The following NUF2 variants were observed in gnomAD, a reference collection of about 807,000 sequenced individuals.
The protein encoded by NUF2 is kinetochore protein Nuf2.
NUF2 carries 34 observed loss-of-function variants against 61.8 expected under a neutral mutation model. The observed-to-expected ratio is 0.55, with a 90% confidence interval of 0.42 to 0.73. The LOEUF (loss-of-function observed/expected upper bound fraction) is 0.73, where lower values mean the gene tolerates loss of function less well. Among genes scored for constraint, NUF2 ranks in the 30% least tolerant of loss-of-function variants. NUF2 has a pLI of 0.00. For missense variants in NUF2, 445 were observed against 539.1 expected (o/e 0.83, Z 1.73); for synonymous variants, 172 against 181.6 (o/e 0.95, Z 0.42).
At position 163,332,578 on chromosome 1, in the gene NUF2, G is replaced by GT. The variant is rs201808643; in HGVS notation, c.337+3674dup. On this transcript the variant is annotated intron_variant, in intron 5 of 13. Coordinates refer to ENST00000271452, the MANE Select transcript of NUF2 (RefSeq NM_145697.3). Reference sequence around the variant, plus strand: ...TTCAGATGGCTCTAGGAGAGAGTCAGTTTCTTTGCCTTTTCTAGCTTCTAG... The same window carrying GT: ...TTCAGATGGCTCTAGGAGAGAGTCAGTTTTCTTTGCCTTTTCTAGCTTCTAG... 8.1e-3 allele frequency among the ~76,000 whole-genome samples: 1,234 copies of GT among 152,232 alleles called. 9 individuals are homozygous for GT. The highest frequency in any genetic ancestry group is 0.012 in the Non-Finnish European group (793 of 67,984).
At chr1:163,325,638 C>T (rs1650392683) in intron 1 of NUF2, among the ~76,000 whole-genome samples, 1 of 152,044 alleles carries the variant, frequency 6.6e-6, no homozygotes, top group Admixed American at 6.5e-5. Flanking sequence ...TTATATATAG[C>T]TTCTGCTGAT....
At position 163,341,829 on chromosome 1, in the gene NUF2, C is replaced by T. The variant is rs552786740; in HGVS notation, c.669+1403C>T. ...ATTTTTAGTAGAGATGGGGTTTTACCATGTTGGCCAGGCTGGTTTTGAACT... is the reference window on the plus strand; with the variant it reads ...ATTTTTAGTAGAGATGGGGTTTTACTATGTTGGCCAGGCTGGTTTTGAACT... On this transcript the variant is annotated intron_variant, in intron 9 of 13. Transcript: ENST00000271452. Among the ~76,000 whole-genome samples, 4 of 152,096 alleles carry T rather than the reference C, an allele frequency of 2.6e-5. No individual in the cohort carries two copies. The South Asian group carries it at 8.3e-4, about 32-fold the overall frequency.
At chr1:163,353,010 C>T (rs1476784464) in intron 13 of NUF2, among the ~76,000 whole-genome samples, 1 of 152,170 alleles carries the variant, frequency 6.6e-6, no homozygotes, top group African/African-American at 2.4e-5. Context: ...TCAGTCTATT[C>T]CAAATAATCT....
chr1:163,325,951 T>G, intron 1 of NUF2, 81 bp from the exon 2 acceptor site: 1 of 1,102,030 alleles, frequency 9.1e-7, no homozygotes, highest in South Asian at 1.5e-5. Context: ...CTTTGGCTCA[T>G]TTTGTCATTA....
chr1:163,328,895 AT>A lies in NUF2; in HGVS notation c.327del (p.Leu110TyrfsTer12). The part of the protein sequence containing the change: ...CRVNDFETAD[I>X]LCPKAKRTSR... ...GGTGAATGACTTTGAGACTGCTGAT[AT>A]TCTATGTCCAAGTAAGTGAGAATTT... On this transcript the variant is annotated frameshift_variant, in exon 5 of 14. Transcript: ENST00000271452. LOFTEE classifies it high-confidence loss of function. The A allele has an allele frequency of 6.3e-7, 1 of 1,597,746 alleles. No individual in the cohort carries two copies. Among genetic ancestry groups the A allele is most frequent in the Non-Finnish European group, 8.6e-7 (1 of 1,166,562 alleles).
chr1:163,337,994 T>G (rs1302082497), intron 6 of NUF2, 26 bp from the exon 7 acceptor site: 7 of 1,566,152 alleles, frequency 4.5e-6, no homozygotes, highest in Non-Finnish European at 6.2e-6. Context: ...TGCACTAATA[T>G]GAGATGATTA....
At chr1:163,325,280 T>C (rs1404954273) in intron 1 of NUF2, among the ~76,000 whole-genome samples, 3 of 152,178 alleles carry the variant, frequency 2.0e-5, no homozygotes, top group Non-Finnish European at 4.4e-5. Flanking sequence ...GCATCCCTGG[T>C]CTTTATCCAC....
chr1:163,326,294 A>T, intron 2 of NUF2, 120 bp downstream of exon 2: 2 of 826,890 alleles, frequency 2.4e-6, no homozygotes, highest in East Asian at 5.2e-5. Context: ...AGTCATTTTC[A>T]TTGAGAGAGA....
chr1:163,337,933 G>T, intron 6 of NUF2, 87 bp from the exon 7 acceptor site: 1 of 989,004 alleles, frequency 1.0e-6, no homozygotes, highest in Non-Finnish European at 1.6e-6. Flanking sequence ...ATTTCTGATG[G>T]TTCAAACTAT....
intron 12 of NUF2, among the ~76,000 whole-genome samples, chr1:163,348,248 A>T (rs1437932216): frequency 2.0e-5 from 3 of 152,190 alleles, no homozygotes; most frequent in Non-Finnish European, 2.9e-5. Context: ...AGCTTGCATC[A>T]GAATTAACTA....
intron 5 of NUF2, among the ~76,000 whole-genome samples, chr1:163,332,737 TA>T (rs1183254808): frequency 1.3e-5 from 2 of 152,198 alleles, no homozygotes; most frequent in Non-Finnish European, 1.5e-5. Context: ...ACTTTCCTCT[TA>T]TAAAGACACT....
chr1:163,335,445 T>A (rs1186201668), intron 5 of NUF2, among the ~76,000 whole-genome samples: 1 of 152,190 alleles, frequency 6.6e-6, no homozygotes, highest in East Asian at 1.9e-4. Context: ...GCTTTTCTTA[T>A]CTTTGTTTCT....
chr1:163,355,211 G>A lies in NUF2; in HGVS notation c.1261-124G>A, dbSNP rs1014187599. On this transcript the variant is annotated intron_variant, in intron 13 of 13. Coordinates refer to ENST00000271452, the MANE Select transcript of NUF2 (RefSeq NM_145697.3). ...CAGACATAGACATGCACATTTGTGT[G>A]TGTGCATAAGAATTTAGGCTTTAAA... 8 of 665,838 alleles carry A rather than the reference G, an allele frequency of 1.2e-5. No individual in the cohort carries two copies. The Admixed American group carries it at 1.4e-4, about 12-fold the overall frequency. 41.2% of individuals were successfully genotyped at this position (665,838 alleles called of 1,614,324 possible).
intron 5 of NUF2, among the ~76,000 whole-genome samples, chr1:163,329,427 T>C (rs1432559305): frequency 6.6e-6 from 1 of 152,198 alleles, no homozygotes; most frequent in Non-Finnish European, 1.5e-5. Flanking sequence ...AAGAAATACC[T>C]GAGACTGGGT....
Position 163,322,136 on chromosome 1 carries a change from T to C in NUF2, c.-97T>C, listed in dbSNP as rs1192275030. The C allele has an allele frequency of 1.3e-5, 2 of 152,262 alleles. No individual in the cohort carries two copies. The highest frequency in any genetic ancestry group is 2.9e-5 in the Non-Finnish European group (2 of 68,146). 9.4% of individuals were successfully genotyped at this position (152,262 alleles called of 1,614,324 possible). A position where few individuals can be genotyped will look rare whatever the true frequency, so the allele number is the denominator to read the frequency against. ...TTCTCCATCCCAAGGCGCGGGCAGG[T>C]GCCGGGACGCTGGGCCTGGCGGTGT... On this transcript the variant is annotated 5_prime_UTR_variant, in exon 1 of 14. Coordinates refer to ENST00000271452, the MANE Select transcript of NUF2 (RefSeq NM_145697.3).
At chr1:163,353,548 A>G (rs1452876907) in intron 13 of NUF2, among the ~76,000 whole-genome samples, 3 of 152,176 alleles carry the variant, frequency 2.0e-5, no homozygotes, top group Non-Finnish European at 4.4e-5. Context: ...AATAGTAGCC[A>G]CATGTGTCTA....
intron 11 of NUF2, 100 bp downstream of exon 11, chr1:163,345,918 A>G: frequency 2.5e-6 from 2 of 815,736 alleles, no homozygotes; most frequent in Non-Finnish European, 1.9e-6. Flanking sequence ...CTAAAGAAAA[A>G]CAGGGTCATT....
At chr1:163,349,865 C>T (rs947413970) in intron 13 of NUF2, among the ~76,000 whole-genome samples, 28 of 151,000 alleles carry the variant, frequency 1.9e-4, no homozygotes, top group African/African-American at 5.8e-4. Flanking sequence ...TGGGATTTCA[C>T]GTCCATGGTC....
Position 163,343,833 on chromosome 1 carries a change from A to T in NUF2, c.770A>T (p.Lys257Ile). The change falls in exon 10 of 14, where the codon AAA becomes ATA. Residue 257 changes from lysine (K) to isoleucine (I), a missense_variant. By Grantham distance (102) the Lys-to-Ile change is moderately radical. Transcript: ENST00000271452. ...SPEKLKNYKE[K>I]MKDTVQKLKN... ...GAGAAGTTAAAGAATTATAAAGAAA[A>T]AATGAAAGATACGGTCCAGAAGCTT... 1 of 1,469,198 alleles carries T rather than the reference A, an allele frequency of 6.8e-7. No individual in the cohort carries two copies. The highest frequency in any genetic ancestry group is 9.0e-7 in the Non-Finnish European group (1 of 1,107,846). The allele number at this position is 1,469,198 out of a possible 1,614,324, so 91.0% of individuals were successfully genotyped here. A position where few individuals can be genotyped will look rare whatever the true frequency, so the allele number is the denominator to read the frequency against.
Sources: allele counts gnomAD v4.1 joint callset (sites outside exome capture counted in the v4.1 genomes callset), GRCh38; gene constraint gnomAD v4.1.1; transcripts MANE v1.5; gene names NCBI Gene and HGNC (gene_info 2026-07-23, HGNC 2026-07-21).